The following ADGRD1 variants were observed in gnomAD, a reference collection of about 807,000 sequenced individuals.
The protein encoded by ADGRD1 is adhesion G protein-coupled receptor D1.
ADGRD1 carries 77 observed loss-of-function variants against 113.4 expected under a neutral mutation model. That is an observed-to-expected ratio of 0.68 (90% CI 0.57 to 0.82). ADGRD1 has a LOEUF of 0.82. Among genes scored for constraint, ADGRD1 ranks in the 40% least tolerant of loss-of-function variants. The probability of loss-of-function intolerance (pLI) is 0.00; values close to 1 mark genes in which losing one functional copy is unlikely to be tolerated. For missense variants in ADGRD1, 1,036 were observed against 1,139.1 expected (o/e 0.91, Z 1.30); for synonymous variants, 474 against 475.0 (o/e 1.00, Z 0.03).
chr12:131,014,075 C>A, intron 12 of ADGRD1, 124 bp from the exon 13 acceptor site: 1 of 945,548 alleles, frequency 1.1e-6, no homozygotes, highest in Non-Finnish European at 1.6e-6. Flanking sequence ...GAAATCAAAG[C>A]TTCATCCAAA....
intron 13 of ADGRD1, chr12:131,026,721 A>T (rs1298184259): frequency 6.6e-6 from 1 of 152,120 alleles, no homozygotes; most frequent in East Asian, 1.9e-4. Flanking sequence ...TACCCACTTG[A>T]TGCCAGCAGC....
At chr12:130,974,263 G>A (rs74854144) in intron 4 of ADGRD1, among the ~76,000 whole-genome samples, 3,547 of 152,292 alleles carry the variant, frequency 0.023, 61 homozygotes, top group Middle Eastern at 0.071. Flanking sequence ...CCTGTAGCAG[G>A]AGGCAGAGGA....
At chr12:131,089,760 G>A (rs1886777719) in intron 15 of ADGRD1, among the ~76,000 whole-genome samples, 1 of 152,258 alleles carries the variant, frequency 6.6e-6, no homozygotes. Flanking sequence ...CGAGTGAGGT[G>A]CTGTCATGTG....
At chr12:130,958,033 C>A (rs1403314546) in intron 2 of ADGRD1, 3 of 153,422 alleles carry the variant, frequency 2.0e-5, no homozygotes, top group Non-Finnish European at 4.4e-5. Flanking sequence ...CCTCCATGAA[C>A]AACACATCCT....
intron 15 of ADGRD1, among the ~76,000 whole-genome samples, chr12:131,098,365 G>C (rs12579587): frequency 0.26 from 39,280 of 152,112 alleles, 5,953 homozygotes; most frequent in South Asian, 0.44. Context: ...AAGCCATGGT[G>C]GGGGAATGGG....
chr12:131,050,736 A>C lies in ADGRD1; in HGVS notation c.1474-26065A>C, dbSNP rs1278989713. On this transcript the variant is annotated intron_variant, in intron 13 of 24. Transcript: ENST00000261654. The surrounding 1 kb of genome is among the most constrained non-coding windows in gnomAD (Gnocchi z 4.8). ...ACCAGGGACTGGTTTCGTGGAAGAC[A>C]ATTTTTGCACGGATGGGGTGGGGGA... is the stretch of plus-strand genomic sequence containing the variant. Among the ~76,000 whole-genome samples, 1 of 152,108 alleles carries C rather than the reference A, an allele frequency of 6.6e-6. No individual in the cohort carries two copies. Among genetic ancestry groups the C allele is most frequent in the African/African-American group, 2.4e-5 (1 of 41,434 alleles).
At chr12:130,959,553 AGAGT>A (rs879876991) in intron 2 of ADGRD1, among the ~76,000 whole-genome samples, 8 of 152,238 alleles carry the variant, frequency 5.3e-5, no homozygotes, top group Non-Finnish European at 7.3e-5. Context: ...CCTTGGTGAC[AGAGT>A]GAGACCCTGT....
At chr12:131,023,535 C>G (rs971322280) in intron 13 of ADGRD1, 5 of 152,036 alleles carry the variant, frequency 3.3e-5, no homozygotes, top group African/African-American at 1.2e-4. Context: ...TTAAATAGCC[C>G]CTTCTGTCTC....
chr12:131,031,082 C>A (rs1167242161), intron 13 of ADGRD1, among the ~76,000 whole-genome samples: 1 of 152,188 alleles, frequency 6.6e-6, no homozygotes, highest in African/African-American at 2.4e-5. Context: ...CACCTCATCC[C>A]AACTCACCAC....
intron 18 of ADGRD1, among the ~76,000 whole-genome samples, chr12:131,110,528 G>A (rs904333141): frequency 3.9e-5 from 6 of 152,070 alleles, no homozygotes; most frequent in African/African-American, 1.4e-4. Context: ...TGTTACATCT[G>A]TATAAGGCAC....
intron 13 of ADGRD1, among the ~76,000 whole-genome samples, chr12:131,054,544 G>A (rs112423327): frequency 9.2e-5 from 14 of 152,296 alleles, no homozygotes; most frequent in African/African-American, 2.6e-4. Flanking sequence ...TTTCCAGGCC[G>A]GCAGGTGTGG....
At chr12:131,014,431 C>A in intron 13 of ADGRD1, 91 bp downstream of exon 13, 1 of 1,200,632 alleles carries the variant, frequency 8.3e-7, no homozygotes, top group Non-Finnish European at 1.2e-6. Context: ...CATAAAGAAT[C>A]TCCAACAGCC....
At chr12:131,121,142 G>C (rs1343409108) in intron 20 of ADGRD1, among the ~76,000 whole-genome samples, 1 of 152,226 alleles carries the variant, frequency 6.6e-6, no homozygotes, top group Admixed American at 6.5e-5. Context: ...AGGCCCCAGG[G>C]CTCTTCCAGT....
chr12:131,006,394 C>T (rs916744052), intron 12 of ADGRD1, among the ~76,000 whole-genome samples: 11 of 152,200 alleles, frequency 7.2e-5, no homozygotes, highest in African/African-American at 2.7e-4. Flanking sequence ...CAGTCATGGG[C>T]AAACACACAG....
rs371109218 is a variant in ADGRD1, at chr12:131,007,996, A to C, written c.1331+1949A>C. ...GTGGACGGAAGTGGAGGGGACAAAG[A>C]GTTTGGTTCACAGGTGCCCTCCTTA... On this transcript the variant is annotated intron_variant, in intron 12 of 24. Coordinates refer to ENST00000261654, the MANE Select transcript of ADGRD1 (RefSeq NM_198827.5). 2.0e-5 allele frequency among the ~76,000 whole-genome samples: 3 copies of C among 152,200 alleles called. No individual in the cohort carries two copies. In the East Asian group the frequency reaches 5.8e-4, roughly 29 times the overall value.
intron 18 of ADGRD1, among the ~76,000 whole-genome samples, chr12:131,116,509 C>T (rs1950466982): frequency 6.6e-6 from 1 of 152,240 alleles, no homozygotes; most frequent in Non-Finnish European, 1.5e-5. Flanking sequence ...GTACTCTGCC[C>T]CCAGAGGGCA....
chr12:131,001,873 G>A (rs1038053422), intron 9 of ADGRD1, among the ~76,000 whole-genome samples: 6 of 152,186 alleles, frequency 3.9e-5, no homozygotes, highest in African/African-American at 1.4e-4. Context: ...ATTTGAAAAT[G>A]TTTGCCAGTT....
chr12:131,136,258 G>C, intron 22 of ADGRD1, 95 bp downstream of exon 22: 3 of 1,448,140 alleles, frequency 2.1e-6, no homozygotes, highest in Non-Finnish European at 2.8e-6. Flanking sequence ...AGGGAGGCCT[G>C]CCCTCCCGGC....
chr12:130,978,189 C>T (rs1021532850), intron 4 of ADGRD1: 6 of 152,212 alleles, frequency 3.9e-5, no homozygotes, highest in African/African-American at 1.4e-4. Context: ...AGGGAATTAA[C>T]TTCTCATCTA....
Sources: allele counts gnomAD v4.1 joint callset (sites outside exome capture counted in the v4.1 genomes callset), GRCh38; gene constraint gnomAD v4.1.1; non-coding constraint Gnocchi (gnomAD v3.1); transcripts MANE v1.5; gene names NCBI Gene and HGNC (gene_info 2026-07-23, HGNC 2026-07-21).